Variants in C9orf152 observed in about 807,000 individuals in gnomAD.
C9orf152 encodes the protein uncharacterized protein C9orf152.
In C9orf152, 8 loss-of-function variants were observed where a neutral mutation model predicts 8.5. That is an observed-to-expected ratio of 0.94 (90% CI 0.55 to 1.70). The LOEUF (loss-of-function observed/expected upper bound fraction) is 1.70. Among genes scored for constraint, C9orf152 ranks in the 40% most tolerant of loss-of-function variants. The probability of loss-of-function intolerance (pLI) is 0.00; values close to 1 mark genes in which losing one functional copy is unlikely to be tolerated. For synonymous variants in C9orf152, 109 were observed against 113.0 expected, an observed-to-expected ratio of 0.96 and a Z score of 0.22; for missense variants, 293 against 286.2, an observed-to-expected ratio of 1.02 and a Z score of -0.17.
intron 1 of C9orf152, among the ~76,000 whole-genome samples, chr9:110,206,093 A>C (rs535323810): frequency 6.6e-6 from 1 of 152,018 alleles, no homozygotes; most frequent in South Asian, 2.1e-4. Context: ...AAACTGCTGA[A>C]AGTGCCCTGA....
intron 1 of C9orf152, 82 bp downstream of exon 1, chr9:110,207,305 C>G: frequency 6.7e-7 from 1 of 1,497,938 alleles, no homozygotes; most frequent in Non-Finnish European, 9.1e-7. Context: ...GCTGGCAAAG[C>G]CCTGGCTCTG....
Position 110,200,869 on chromosome 9 carries a change from G to C in C9orf152, c.*79C>G, listed in dbSNP as rs532253304. Reference sequence around the variant, plus strand: ...GTTCTTGCTCATAGCTAGAGACCTCGTTGTGGCTCTGCCTCCTTGGTTCTT... The same window carrying C: ...GTTCTTGCTCATAGCTAGAGACCTCCTTGTGGCTCTGCCTCCTTGGTTCTT... On this transcript the variant is annotated 3_prime_UTR_variant, in exon 2 of 2. Transcript: ENST00000400613. 8.5e-6 allele frequency: 12 copies of C among 1,411,604 alleles called. No individual in the cohort carries two copies. The highest frequency in any genetic ancestry group is 1.1e-5 in the Non-Finnish European group (11 of 1,039,602). 87.4% of individuals were successfully genotyped at this position (1,411,604 alleles called of 1,614,324 possible). A position where few individuals can be genotyped will look rare whatever the true frequency, so the allele number is the denominator to read the frequency against.
chr9:110,207,620 G>C lies in C9orf152; in HGVS notation c.-41C>G, dbSNP rs534058644. ...AAGCAAACACAGCTGGGTGGGGCAGGACCTGGGGAGGGGAGAGAGAGGGAG... is the reference window on the plus strand; with the variant it reads ...AAGCAAACACAGCTGGGTGGGGCAGCACCTGGGGAGGGGAGAGAGAGGGAG... On this transcript the variant is annotated 5_prime_UTR_variant, in exon 1 of 2. Transcript: ENST00000400613. 194 of 1,470,732 alleles carry C rather than the reference G, an allele frequency of 1.3e-4. 1 individual carries two copies. In the South Asian group the frequency reaches 2.5e-3, roughly 19 times the overall value. 91.1% of individuals were successfully genotyped at this position (1,470,732 alleles called of 1,614,324 possible).
chr9:110,205,258 T>TACAAAAAGCCTTTTTCTCC (rs535640228), intron 1 of C9orf152, among the ~76,000 whole-genome samples: 1 of 152,330 alleles, frequency 6.6e-6, no homozygotes, highest in Admixed American at 6.5e-5. Context: ...CATCTCTCTC[T>TACAAAAAGCCTTTTTCTCC]ACAAAAAGCC....
chr9:110,201,233 C>A lies in C9orf152; in HGVS notation c.435G>T (p.Val145=). The A allele has an allele frequency of 6.2e-6, 10 of 1,614,112 alleles. No individual in the cohort carries two copies. The Admixed American group carries it at 1.5e-4, about 24-fold the overall frequency. The change falls in exon 2 of 2, where the codon GTG becomes GTT. Residue 145 remains valine, a synonymous_variant. Coordinates refer to ENST00000400613, the MANE Select transcript of C9orf152 (RefSeq NM_001012993.3). The part of the protein sequence containing the change: ...SHQVHHRGKL[V]GSDQRLPPEG... ...CAGGAGGGAGCCTTTGATCAGATCC[C>A]ACAAGCTTGCCCCTATGATGTACTT...
Position 110,207,452 on chromosome 9 carries a change from C to G in C9orf152, c.128G>C (p.Arg43Pro). 6.2e-7 allele frequency: 1 copy of G among 1,613,322 alleles called. No individual in the cohort carries two copies. The highest frequency in any genetic ancestry group is 8.5e-7 in the Non-Finnish European group (1 of 1,179,658). ...CCTCTTCAAGCCTTCATACTGGGCT[C>G]GCAGGAACTGGATGCTGAGTGGGGG... is the stretch of plus-strand genomic sequence containing the variant. Reference protein sequence around the residue: ...KGPPLSIQFLRAQYEGLKRQQ... With the variant: ...KGPPLSIQFLPAQYEGLKRQQ... Residue 43 changes from arginine (R) to proline (P), a missense_variant, in exon 1 of 2, where the codon CGA becomes CCA. Arg to Pro is a moderately radical substitution (Grantham distance 103). Transcript: ENST00000400613.
rs1251919137 is a variant in C9orf152, at chr9:110,199,838, A to G, written c.*1110T>C. 1 of 152,220 alleles carries G rather than the reference A, an allele frequency of 6.6e-6. No homozygotes were observed. The highest frequency in any genetic ancestry group is 2.4e-5 in the African/African-American group (1 of 41,462). 9.4% of individuals were successfully genotyped at this position (152,220 alleles called of 1,614,324 possible). A position where few individuals can be genotyped will look rare whatever the true frequency, so the allele number is the denominator to read the frequency against. On this transcript the variant is annotated 3_prime_UTR_variant, in exon 2 of 2. Transcript: ENST00000400613. ...GGAAAGGCACCTTAGGTGTGTTTAA[A>G]TAGCATTACAAAAGCTAAACATTAA...
chr9:110,201,141 G>C lies in C9orf152; in HGVS notation c.527C>G (p.Ala176Gly). Residue 176 changes from alanine (A) to glycine (G), a missense_variant, in exon 2 of 2, where the codon GCC becomes GGC. Coordinates refer to ENST00000400613, the MANE Select transcript of C9orf152 (RefSeq NM_001012993.3). ...TQQGTGIPEA[A>G]QLPCQVGNTQ... ...ATTGCCCACCTGGCATGGAAGCTGG[G>C]CAGCCTCTGGGATTCCGGTTCCTTG... 6.2e-7 allele frequency: 1 copy of C among 1,614,200 alleles called. No individual in the cohort carries two copies. Among genetic ancestry groups the C allele is most frequent in the Non-Finnish European group, 8.5e-7 (1 of 1,180,032 alleles).
Position 110,201,436 on chromosome 9 carries a change from C to T in C9orf152, c.232G>A (p.Ala78Thr), listed in dbSNP as rs1401391313. 9 of 1,525,056 alleles carry T rather than the reference C, an allele frequency of 5.9e-6. No individual in the cohort carries two copies. The highest frequency in any genetic ancestry group is 7.9e-6 in the Non-Finnish European group (9 of 1,143,884). The allele number at this position is 1,525,056 out of a possible 1,614,324, so 94.5% of individuals were successfully genotyped here. ...TPAPAESMVN[A>T]VWINKERRSS... ...CTTCTCTCCTTGTTAATCCAAACAGCATTGACCATCGATTCTGCAGGAGCA... is the reference window on the plus strand; with the variant it reads ...CTTCTCTCCTTGTTAATCCAAACAGTATTGACCATCGATTCTGCAGGAGCA... The change falls in exon 2 of 2, where the codon GCT (alanine) becomes ACT (threonine). Residue 78 changes from alanine to threonine, a missense_variant. Physicochemically the swap from Ala to Thr is moderately conservative, Grantham distance 58. Coordinates refer to ENST00000400613, the MANE Select transcript of C9orf152 (RefSeq NM_001012993.3).
At position 110,201,193 on chromosome 9, in the gene C9orf152, AGT is replaced by A; in HGVS notation, c.473_474del (p.His158LeufsTer3). 6.2e-7 allele frequency: 1 copy of A among 1,614,128 alleles called. No homozygotes were observed. The highest frequency in any genetic ancestry group is 8.5e-7 in the Non-Finnish European group (1 of 1,180,032). ...DQRLPPEGDT[H>X]LFETNQMTQQ... ...TGAGTCATCTGATTGGTTTCAAACAAGTGTGTGTCTCCTTCAGGAGGGAGCCT... is the reference window on the plus strand; with the variant it reads ...TGAGTCATCTGATTGGTTTCAAACAAGTGTGTCTCCTTCAGGAGGGAGCCT... On this transcript the variant is annotated frameshift_variant, in exon 2 of 2. Coordinates refer to ENST00000400613, the MANE Select transcript of C9orf152 (RefSeq NM_001012993.3). LOFTEE classifies it low-confidence loss of function (END_TRUNC).
intron 1 of C9orf152, among the ~76,000 whole-genome samples, chr9:110,204,730 T>C (rs1431481430): frequency 1.3e-5 from 2 of 152,216 alleles, no homozygotes; most frequent in East Asian, 3.8e-4. Context: ...CTTCAGTTTC[T>C]CTGACACTCT....
chr9:110,201,361 C>T lies in C9orf152; in HGVS notation c.307G>A (p.Glu103Lys). The T allele has an allele frequency of 6.2e-7, 1 of 1,605,368 alleles. No individual in the cohort carries two copies. Among genetic ancestry groups the T allele is most frequent in the Non-Finnish European group, 8.5e-7 (1 of 1,175,920 alleles). The part of the protein sequence containing the change: ...EADSEVEGRL[E>K]EAAQGCLQAP... ...TGAAGGCAGCCCTGGGCAGCCTCCT[C>T]CAGCCTCCCCTCCACCTCAGAATCT... is the stretch of plus-strand genomic sequence containing the variant. Residue 103 changes from glutamate to lysine, a missense_variant, in exon 2 of 2, where the codon GAG (glutamate) becomes AAG (lysine). Physicochemically the swap from Glu to Lys is moderately conservative, Grantham distance 56. Transcript: ENST00000400613.
chr9:110,205,381 A>G lies in C9orf152; in HGVS notation c.193+2006T>C, dbSNP rs960551805. 3.3e-5 allele frequency among the ~76,000 whole-genome samples: 5 copies of G among 152,182 alleles called. No individual in the cohort carries two copies. In the East Asian group the frequency reaches 9.7e-4, roughly 29 times the overall value. On this transcript the variant is annotated intron_variant, in intron 1 of 1. Coordinates refer to ENST00000400613, the MANE Select transcript of C9orf152 (RefSeq NM_001012993.3). ...ATTGCTCTTTTGCCTCCTTAGTGCC[A>G]TTTTCACCTTATTTTTGTCACCTTA...
At chr9:110,203,771 T>C (rs1837245890) in intron 1 of C9orf152, among the ~76,000 whole-genome samples, 2 of 152,234 alleles carry the variant, frequency 1.3e-5, no homozygotes, top group Non-Finnish European at 2.9e-5. Flanking sequence ...CCACCCTTGA[T>C]TCACTTTGCC....
intron 1 of C9orf152, among the ~76,000 whole-genome samples, chr9:110,206,045 T>G (rs1837270669): frequency 7.4e-6 from 1 of 134,682 alleles, no homozygotes; most frequent in Non-Finnish European, 1.6e-5. Context: ...GGCAACAGAG[T>G]GAGAATCTGT....
chr9:110,207,406 G>T lies in C9orf152; in HGVS notation c.174C>A (p.His58Gln). 6.2e-7 allele frequency: 1 copy of T among 1,612,470 alleles called. No homozygotes were observed. The highest frequency in any genetic ancestry group is 8.5e-7 in the Non-Finnish European group (1 of 1,179,226). ...GLKRQQRTQA[H>Q]LLVLPKGGNT... ...TCCTACCTTTTGGAAGCACCAGGAGGTGGGCCTGGGTCCTCTGCTGCCTCT... is the reference window on the plus strand; with the variant it reads ...TCCTACCTTTTGGAAGCACCAGGAGTTGGGCCTGGGTCCTCTGCTGCCTCT... Residue 58 changes from histidine to glutamine, a missense_variant, in exon 1 of 2, where the codon CAC becomes CAA. Coordinates refer to ENST00000400613, the MANE Select transcript of C9orf152 (RefSeq NM_001012993.3).
rs4978888 is a variant in C9orf152, at chr9:110,201,422, G to A, written c.246C>T (p.Asn82=). ...GGGACAGTGAGCTTCTTCTCTCCTT[G>A]TTAATCCAAACAGCATTGACCATCG... ...AESMVNAVWI[N]KERRSSLSLE... is the part of the protein sequence containing the mutation. The change falls in exon 2 of 2, where the codon AAC becomes AAT. Residue 82 remains asparagine, a synonymous_variant. Coordinates refer to ENST00000400613, the MANE Select transcript of C9orf152 (RefSeq NM_001012993.3). 258,926 of 1,544,404 alleles carry A rather than the reference G, an allele frequency of 0.17. 23,113 individuals are homozygous for A. The highest frequency in any genetic ancestry group is 0.32 in the African/African-American group (23,115 of 72,522).
At position 110,199,669 on chromosome 9, in the gene C9orf152, T is replaced by A. The variant is rs966592668; in HGVS notation, c.*1279A>T. 1 of 152,154 alleles carries A rather than the reference T, an allele frequency of 6.6e-6. No individual in the cohort carries two copies. Among genetic ancestry groups the A allele is most frequent in the African/African-American group, 2.4e-5 (1 of 41,434 alleles). The allele number at this position is 152,154 out of a possible 1,614,324, so 9.4% of individuals were successfully genotyped here. ...CCCCAAATTTGAGTGGATTTCTGGG[T>A]GGTTCAAGGAAGCTTCTACATGTTT... On this transcript the variant is annotated 3_prime_UTR_variant, in exon 2 of 2. Transcript: ENST00000400613.
In C9orf152 at chr9:110,207,369, G is replaced by A; in HGVS notation, c.193+18C>T. The A allele has an allele frequency of 6.2e-7, 1 of 1,607,734 alleles. No individual in the cohort carries two copies. Among genetic ancestry groups the A allele is most frequent in the African/African-American group, 1.3e-5 (1 of 74,662 alleles). On this transcript the variant is annotated intron_variant, in intron 1 of 1. Transcript: ENST00000400613. Reference sequence around the variant, plus strand: ...CCCATGGTAAGTCTCTCCTTCCCCAGCACCTGTCCATTCCTACCTTTTGGA... The same window carrying A: ...CCCATGGTAAGTCTCTCCTTCCCCAACACCTGTCCATTCCTACCTTTTGGA...
Sources: gnomAD v4.1 joint callset for allele counts (sites outside exome capture counted in the v4.1 genomes callset) on GRCh38, gnomAD v4.1.1 for gene constraint, MANE v1.5 for transcripts, NCBI Gene and HGNC (gene_info 2026-07-23, HGNC 2026-07-21) for gene names.